The following RABGAP1L variants were observed in gnomAD, a reference collection of about 807,000 sequenced individuals.
RABGAP1L encodes RAB GTPase activating protein 1 like, also known as rab GTPase-activating protein 1-like.
RABGAP1L carries 63 observed loss-of-function variants against 137.7 expected under a neutral mutation model. The observed-to-expected ratio is 0.46, with a 90% CI of 0.37 to 0.56. The LOEUF is 0.56. Among genes scored for constraint, RABGAP1L ranks in the 20% least tolerant of loss-of-function variants. The pLI is 0.00. For missense variants in RABGAP1L, 1,095 were observed against 1,244.0 expected, an observed-to-expected ratio of 0.88 and a Z score of 1.80; for synonymous variants, 431 against 433.7, an observed-to-expected ratio of 0.99 and a Z score of 0.08.
chr1:174,680,627 T>A (rs967691761), intron 14 of RABGAP1L, among the ~76,000 whole-genome samples: 2 of 151,990 alleles, frequency 1.3e-5, no homozygotes, highest in Non-Finnish European at 2.9e-5. Context: ...AATTAAACAA[T>A]TGGGCAGGCT....
intron 13 of RABGAP1L, among the ~76,000 whole-genome samples, chr1:174,580,953 G>C (rs1352314755): frequency 6.6e-6 from 1 of 152,048 alleles, no homozygotes; most frequent in African/African-American, 2.4e-5. Flanking sequence ...TAGTCATCAG[G>C]GAAATTCAAA....
intron 19 of RABGAP1L, among the ~76,000 whole-genome samples, chr1:174,883,221 A>G (rs1204046240): frequency 5.3e-5 from 8 of 152,174 alleles, no homozygotes. Context: ...TGGTTTTCTC[A>G]TCTGAAAACT....
At chr1:174,946,990 GTA>G (rs1342184149) in intron 19 of RABGAP1L, among the ~76,000 whole-genome samples, 183 of 92,534 alleles carry the variant, frequency 2.0e-3, no homozygotes, top group African/African-American at 6.7e-3. Context: ...GTATATATAT[GTA>G]TATATATATG....
At chr1:174,346,512 T>G (rs1344418010) in intron 11 of RABGAP1L, among the ~76,000 whole-genome samples, 4 of 152,158 alleles carry the variant, frequency 2.6e-5, no homozygotes, top group Non-Finnish European at 2.9e-5. Flanking sequence ...ATTCTAAGTT[T>G]TACAATGTAT....
At chr1:174,174,221 C>T (rs1665651504) in intron 1 of RABGAP1L, among the ~76,000 whole-genome samples, 2 of 148,398 alleles carry the variant, frequency 1.3e-5, no homozygotes, top group African/African-American at 5.2e-5. Context: ...CACACACACA[C>T]ACACACACAC....
chr1:174,464,516 CATT>C (rs1330367627), intron 13 of RABGAP1L, among the ~76,000 whole-genome samples: 1 of 152,176 alleles, frequency 6.6e-6, no homozygotes, highest in Non-Finnish European at 1.5e-5. Flanking sequence ...AAAGGAAAAT[CATT>C]ATTACCATTT....
chr1:174,808,658 CTT>C (rs531245667), intron 18 of RABGAP1L, among the ~76,000 whole-genome samples: 5 of 143,354 alleles, frequency 3.5e-5, no homozygotes, highest in Non-Finnish European at 3.1e-5. Flanking sequence ...TTCTTTCTTT[CTT>C]TTTTTTTTTT....
intron 11 of RABGAP1L, among the ~76,000 whole-genome samples, chr1:174,353,786 C>G: frequency 6.6e-6 from 1 of 152,202 alleles, no homozygotes; most frequent in East Asian, 1.9e-4. Flanking sequence ...CAGGCACTAT[C>G]CAGGGATGAG....
At chr1:174,413,499 T>TGGTA (rs1396133272) in intron 13 of RABGAP1L, among the ~76,000 whole-genome samples, 11 of 152,182 alleles carry the variant, frequency 7.2e-5, no homozygotes. Context: ...GGCCATCCCT[T>TGGTA]GGTAGTGTCA....
chr1:174,843,391 C>T (rs1194817294), intron 19 of RABGAP1L, among the ~76,000 whole-genome samples: 1 of 151,238 alleles, frequency 6.6e-6, no homozygotes, highest in African/African-American at 2.4e-5. Flanking sequence ...CCCCACCCCA[C>T]AACAGTCCCC....
intron 19 of RABGAP1L, among the ~76,000 whole-genome samples, chr1:174,841,345 A>T (rs1171690099): frequency 1.3e-5 from 2 of 152,120 alleles, no homozygotes; most frequent in Admixed American, 6.5e-5. Context: ...GGACATTTTA[A>T]ATTTCCTACT....
chr1:174,897,873 C>G (rs1020288585), intron 19 of RABGAP1L: 4 of 147,970 alleles, frequency 2.7e-5, no homozygotes, highest in African/African-American at 7.6e-5. Context: ...CCCAGCTACT[C>G]GGGAGGCTGA....
intron 17 of RABGAP1L, among the ~76,000 whole-genome samples, chr1:174,707,871 T>A (rs1164018992): frequency 6.6e-6 from 1 of 152,230 alleles, no homozygotes; most frequent in Non-Finnish European, 1.5e-5. Flanking sequence ...TCTATTTCCT[T>A]TTTCAGTAGT....
intron 13 of RABGAP1L, among the ~76,000 whole-genome samples, chr1:174,475,956 A>C (rs986463978): frequency 1.3e-5 from 2 of 151,956 alleles, no homozygotes; most frequent in African/African-American, 4.8e-5. Context: ...ATTATAACTT[A>C]TTATTTAGAA....
chr1:174,664,734 C>CTTTTTTTTTTTTTTTTTTTTT (rs71701825), intron 14 of RABGAP1L, among the ~76,000 whole-genome samples: 3 of 97,576 alleles, frequency 3.1e-5, no homozygotes, highest in African/African-American at 5.2e-5. Context: ...TTTCTGCTTT[C>CTTTTTTTTTTTTTTTTTTTTT]TTTTTTTTTT....
intron 19 of RABGAP1L, among the ~76,000 whole-genome samples, chr1:174,918,531 C>T: frequency 6.6e-6 from 1 of 152,108 alleles, no homozygotes; most frequent in South Asian, 2.1e-4. Context: ...GCCTGCAATC[C>T]CAGCATTTTG....
At chr1:174,960,582 C>T (rs1669000843) in intron 20 of RABGAP1L, among the ~76,000 whole-genome samples, 1 of 151,898 alleles carries the variant, frequency 6.6e-6, no homozygotes, top group Non-Finnish European at 1.5e-5. Context: ...ATACTAAAAT[C>T]ATTACATTGC....
At chr1:174,933,574 A>G (rs1426299812) in intron 19 of RABGAP1L, among the ~76,000 whole-genome samples, 1 of 152,176 alleles carries the variant, frequency 6.6e-6, no homozygotes, top group Non-Finnish European at 1.5e-5. Context: ...GACTCAGAAC[A>G]TCAGCACCCC....
At position 174,393,851 on chromosome 1, in the gene RABGAP1L, AGTACTATT is replaced by A. The variant is rs1354122651; in HGVS notation, c.1560-141_1560-134del. 4.2e-6 allele frequency: 3 copies of A among 721,474 alleles called. No individual in the cohort carries two copies. The East Asian group carries it at 8.2e-5, about 20-fold the overall frequency. The allele number at this position is 721,474 out of a possible 1,614,324, so 44.7% of individuals were successfully genotyped here. Reference sequence around the variant, plus strand: ...ATTGAAGATATAACTGAGCTTAAGCAGTACTATTGTTTAATGCCCCCCCACAAACTGTT... The same window carrying A: ...ATTGAAGATATAACTGAGCTTAAGCAGTTTAATGCCCCCCCACAAACTGTT... On this transcript the variant is annotated intron_variant, in intron 12 of 25. Transcript: ENST00000681986.
Sources: allele counts gnomAD v4.1 joint callset (sites outside exome capture counted in the v4.1 genomes callset), GRCh38; gene constraint gnomAD v4.1.1; transcripts MANE v1.5; gene names NCBI Gene and HGNC (gene_info 2026-07-23, HGNC 2026-07-21).